KMO: variants seen among roughly 807,000 people sequenced by gnomAD.
KMO encodes kynurenine 3-hydroxylase.
A neutral mutation model predicts 57.8 loss-of-function variants in KMO; 24 were observed. That is an observed-to-expected ratio of 0.42 (90% CI 0.30 to 0.58). KMO has a LOEUF of 0.58. KMO is among the 20% of genes least tolerant of loss of function. KMO has a pLI of 0.22. For missense variants in KMO, 483 were observed against 588.2 expected (o/e 0.82, Z 1.85); for synonymous variants, 210 against 193.6 (o/e 1.08, Z -0.70).
chr1:241,544,981 C>G (rs1661090772), intron 1 of KMO, among the ~76,000 whole-genome samples: 1 of 152,120 alleles, frequency 6.6e-6, no homozygotes, highest in Non-Finnish European at 1.5e-5. Flanking sequence ...ACCTTTGTCT[C>G]TTTTTACTAA....
chr1:241,594,562 T>C lies in KMO; in HGVS notation c.*2409T>C. On this transcript the variant is annotated 3_prime_UTR_variant, in exon 15 of 15. Transcript: ENST00000366559. ...TTGAAAGTCACTTTTTTCTTTGGCC[T>C]GTCCCCATCTTTCTGTGACATCACA... The C allele has an allele frequency of 1.2e-6, 2 of 1,614,170 alleles. No individual in the cohort carries two copies. Among genetic ancestry groups the C allele is most frequent in the Non-Finnish European group, 8.5e-7 (1 of 1,180,010 alleles).
In KMO at chr1:241,548,864, G is replaced by A. The variant is rs946990907; in HGVS notation, c.90G>A (p.Arg30=). 2 of 1,607,456 alleles carry A rather than the reference G, an allele frequency of 1.2e-6. No homozygotes were observed. The highest frequency in any genetic ancestry group is 1.7e-6 in the Non-Finnish European group (2 of 1,174,510). ...GSLQACFLAK[R]NFQIDVYEAR... ...TACAAGCATGCTTTCTTGCAAAGAG[G>A]AATTTCCAGATTGATGTATATGAAG... Residue 30 remains arginine, a synonymous_variant, in exon 2 of 15, where the codon AGG becomes AGA. Coordinates refer to ENST00000366559, the MANE Select transcript of KMO (RefSeq NM_003679.5).
At chr1:241,584,833 GACATTAGAATACTTAGTTTTAAATCCT>G in intron 10 of KMO, among the ~76,000 whole-genome samples, 1 of 152,306 alleles carries the variant, frequency 6.6e-6, no homozygotes, top group African/African-American at 2.4e-5. Flanking sequence ...CCCAGGACCT[GACATTAGAATACTTAGTTTTAAATCCT>G]GGCTCCAGAA....
At chr1:241,575,108 G>C (rs916240562) in intron 10 of KMO, among the ~76,000 whole-genome samples, 1 of 151,842 alleles carries the variant, frequency 6.6e-6, no homozygotes, top group African/African-American at 2.4e-5. Flanking sequence ...GGTGTCCATT[G>C]TAATGTCTCC....
chr1:241,541,528 G>A (rs1660958954), intron 1 of KMO, among the ~76,000 whole-genome samples: 1 of 152,120 alleles, frequency 6.6e-6, no homozygotes, highest in Non-Finnish European at 1.5e-5. Context: ...ATCAAGACTA[G>A]AGTAAAAGTC....
intron 11 of KMO, 71 bp downstream of exon 11, chr1:241,586,807 C>T: frequency 9.4e-7 from 1 of 1,063,736 alleles, no homozygotes; most frequent in South Asian, 1.4e-5. Flanking sequence ...ATTTCTGATC[C>T]TCAATGATCA....
At chr1:241,561,647 A>G (rs1394269374) in intron 6 of KMO, among the ~76,000 whole-genome samples, 2 of 152,232 alleles carry the variant, frequency 1.3e-5, no homozygotes, top group African/African-American at 4.8e-5. Flanking sequence ...CTCTTCATAC[A>G]TCATTCCCCT....
intron 7 of KMO, among the ~76,000 whole-genome samples, chr1:241,564,566 T>A (rs957361170): frequency 2.0e-5 from 3 of 151,670 alleles, no homozygotes; most frequent in African/African-American, 7.3e-5. Context: ...GTAAAAAATA[T>A]ATATATAAAT....
Position 241,551,051 on chromosome 1 carries a change from T to G in KMO, c.312+7T>G, listed in dbSNP as rs1355198362. 6.8e-7 allele frequency: 1 copy of G among 1,471,038 alleles called. No individual in the cohort carries two copies. Among genetic ancestry groups the G allele is most frequent in the South Asian group, 1.2e-5 (1 of 81,104 alleles). 91.1% of individuals were successfully genotyped at this position (1,471,038 alleles called of 1,614,324 possible). On this transcript the variant is annotated splice_region_variant and intron_variant, in intron 4 of 14. Coordinates refer to ENST00000366559, the MANE Select transcript of KMO (RefSeq NM_003679.5). ...CTATGGGACAAAGTCTCAGGTAGGT[T>G]TACCCCGGAGATCATTGTGCATTGA...
chr1:241,579,211 G>A (rs1383640967), intron 10 of KMO, among the ~76,000 whole-genome samples: 1 of 152,132 alleles, frequency 6.6e-6, no homozygotes, highest in Non-Finnish European at 1.5e-5. Context: ...CTTCTGCCAG[G>A]TGGTTGTACT....
chr1:241,582,786 T>C (rs913552822), intron 10 of KMO, among the ~76,000 whole-genome samples: 17 of 152,310 alleles, frequency 1.1e-4, no homozygotes, highest in African/African-American at 4.1e-4. Flanking sequence ...TTAGTTCGTT[T>C]GGTAAGGTCA....
At chr1:241,554,267 CT>C (rs1661522113) in intron 4 of KMO, among the ~76,000 whole-genome samples, 2 of 148,910 alleles carry the variant, frequency 1.3e-5, no homozygotes, top group Middle Eastern at 3.5e-3. Flanking sequence ...TCCTTCCTTC[CT>C]TCCTTCCTTC....
intron 1 of KMO, among the ~76,000 whole-genome samples, chr1:241,544,549 G>A (rs1661075922): frequency 6.6e-6 from 1 of 152,130 alleles, no homozygotes; most frequent in African/African-American, 2.4e-5. Context: ...GTTGATGAAG[G>A]AGTATCAAGA....
At chr1:241,548,781 CT>C (rs1558414332) in intron 1 of KMO, 47 bp from the exon 2 acceptor site, 1 of 1,184,112 alleles carries the variant, frequency 8.4e-7, no homozygotes, top group Admixed American at 1.8e-5. Context: ...TAAAAATTCC[CT>C]ATATTTGTGG....
At chr1:241,556,218 C>T (rs550380190) in intron 5 of KMO, among the ~76,000 whole-genome samples, 4 of 152,326 alleles carry the variant, frequency 2.6e-5, no homozygotes, top group South Asian at 4.1e-4. Context: ...ACTGTAACTT[C>T]GAAATCCTGT....
chr1:241,577,011 CT>C (rs1662546290), intron 10 of KMO, among the ~76,000 whole-genome samples: 1 of 152,044 alleles, frequency 6.6e-6, no homozygotes, highest in African/African-American at 2.4e-5. Flanking sequence ...CTTTCTTCTG[CT>C]TTCTCTAGCC....
chr1:241,594,236 T>G lies in KMO; in HGVS notation c.*2083T>G. 1 of 551,442 alleles carries G rather than the reference T, an allele frequency of 1.8e-6. No homozygotes were observed. Among genetic ancestry groups the G allele is most frequent in the Non-Finnish European group, 3.1e-6 (1 of 325,264 alleles). 34.2% of individuals were successfully genotyped at this position (551,442 alleles called of 1,614,324 possible). ...GTTTTTTCATTATGTAAAGCACCCG[T>G]TGAATTAAAAGAATTTGTTTTTGTT... On this transcript the variant is annotated 3_prime_UTR_variant, in exon 15 of 15. Transcript: ENST00000366559.
intron 1 of KMO, among the ~76,000 whole-genome samples, chr1:241,545,665 G>A (rs1049421481): frequency 2.6e-5 from 4 of 152,230 alleles, no homozygotes; most frequent in East Asian, 1.9e-4. Flanking sequence ...TTACAGTACT[G>A]GGGGTTAGGA....
intron 10 of KMO, among the ~76,000 whole-genome samples, chr1:241,575,268 TCTC>T (rs1662466392): frequency 6.6e-6 from 1 of 152,092 alleles, no homozygotes; most frequent in Non-Finnish European, 1.5e-5. Context: ...TTCATTTAGT[TCTC>T]CTCCGATCTT....
Sources: gnomAD v4.1 joint callset for allele counts (sites outside exome capture counted in the v4.1 genomes callset) on GRCh38, gnomAD v4.1.1 for gene constraint, MANE v1.5 for transcripts, NCBI Gene and HGNC (gene_info 2026-07-23, HGNC 2026-07-21) for gene names.